Variants in AQR observed in about 807,000 individuals in gnomAD.
The protein encoded by AQR is aquarius intron-binding spliceosomal factor.
AQR carries 61 observed loss-of-function variants against 180.5 expected under a neutral mutation model. That is an observed-to-expected ratio of 0.34 (90% confidence interval 0.28 to 0.42). The LOEUF (loss-of-function observed/expected upper bound fraction) is 0.42, where lower values mean the gene tolerates loss of function less well. AQR is among the 10% of genes least tolerant of loss of function. The probability of loss-of-function intolerance (pLI) is 1.00; values close to 1 mark genes in which losing one functional copy is unlikely to be tolerated. For synonymous variants in AQR, 551 were observed against 588.8 expected (o/e 0.94, Z 0.93); for missense variants, 1,281 against 1,798.3 (o/e 0.71, Z 5.20).
chr15:34,860,587 T>C (rs1452696899), intron 33 of AQR, among the ~76,000 whole-genome samples: 1 of 152,166 alleles, frequency 6.6e-6, no homozygotes, highest in Admixed American at 6.5e-5. Context: ...ATTATTTGAC[T>C]AGAGAGAAAA....
chr15:34,937,037 T>C (rs1054592614), intron 9 of AQR, among the ~76,000 whole-genome samples: 5 of 152,042 alleles, frequency 3.3e-5, no homozygotes, highest in Admixed American at 2.0e-4. Context: ...CATAAAACGT[T>C]TTCTTTCTTT....
chr15:34,928,889 T>G lies in AQR; in HGVS notation c.1014+1369A>C, dbSNP rs183469722. 2.0e-5 allele frequency among the ~76,000 whole-genome samples: 3 copies of G among 152,280 alleles called. No individual in the cohort carries two copies. In the East Asian group the frequency reaches 5.8e-4, roughly 29 times the overall value. On this transcript the variant is annotated intron_variant, in intron 12 of 34. Transcript: ENST00000156471. The stretch of plus-strand genomic sequence containing the variant: ...TTTTAATAATTGCCATTCTGACTGG[T>G]GAGAGATGGTATGGTATCTCACTGT...
intron 23 of AQR, 69 bp downstream of exon 23, chr15:34,893,594 C>T (rs1006548400): frequency 2.2e-6 from 3 of 1,339,914 alleles, no homozygotes; most frequent in East Asian, 2.4e-5. Flanking sequence ...TACCCATGTG[C>T]ATGCGCATGC....
intron 6 of AQR, chr15:34,943,260 A>G (rs1254181359): frequency 1.2e-6 from 2 of 1,600,634 alleles, no homozygotes; most frequent in Admixed American, 3.3e-5. Context: ...GAAAAAGGCT[A>G]AAACTACAAA....
At chr15:34,881,010 C>T (rs1267252392) in intron 27 of AQR, among the ~76,000 whole-genome samples, 2 of 152,040 alleles carry the variant, frequency 1.3e-5, no homozygotes, top group South Asian at 2.1e-4. Context: ...TACCCGTTGA[C>T]GTGTAGCATG....
At chr15:34,904,587 A>C in intron 18 of AQR, 82 bp from the exon 19 acceptor site, 1 of 1,334,102 alleles carries the variant, frequency 7.5e-7, no homozygotes, top group Non-Finnish European at 1.0e-6. Flanking sequence ...CTTTTCTAGA[A>C]ATGGTGAGTA....
chr15:34,951,214 T>C (rs1447461616), intron 4 of AQR, among the ~76,000 whole-genome samples: 1 of 152,192 alleles, frequency 6.6e-6, no homozygotes, highest in African/African-American at 2.4e-5. Flanking sequence ...AGCTACCTTC[T>C]CCATGCCATC....
chr15:34,946,774 C>G, intron 5 of AQR, among the ~76,000 whole-genome samples: 1 of 149,794 alleles, frequency 6.7e-6, no homozygotes, highest in Non-Finnish European at 1.5e-5. Flanking sequence ...GGTCAGCCCC[C>G]CGCCCGGCCA....
chr15:34,906,539 C>T lies in AQR; in HGVS notation c.1831+6G>A. The T allele has an allele frequency of 6.2e-7, 1 of 1,613,654 alleles. No homozygotes were observed. Among genetic ancestry groups the T allele is most frequent in the Non-Finnish European group, 8.5e-7 (1 of 1,179,720 alleles). On this transcript the variant is annotated splice_donor_region_variant and intron_variant, in intron 18 of 34. Transcript: ENST00000156471. ...CATACTCTTTCAAAAATATAGGTCA[C>T]CATACCATCTTCAATGACACGTCCT...
At chr15:34,937,636 C>A (rs377485206) in intron 9 of AQR, among the ~76,000 whole-genome samples, 8 of 152,122 alleles carry the variant, frequency 5.3e-5, no homozygotes, top group African/African-American at 1.4e-4. Flanking sequence ...GTGATCCCAG[C>A]GCTTTGGGAG....
intron 5 of AQR, 171 bp downstream of exon 5, chr15:34,948,093 T>G: frequency 1.5e-6 from 1 of 649,620 alleles, no homozygotes; most frequent in Non-Finnish European, 2.4e-6. Flanking sequence ...GAAGAAAGTA[T>G]TGAAACCAAA....
At chr15:34,931,026 C>T (rs1205648408) in intron 11 of AQR, among the ~76,000 whole-genome samples, 6 of 151,882 alleles carry the variant, frequency 4.0e-5, no homozygotes, top group South Asian at 2.1e-4. Flanking sequence ...TTAGTAGAGA[C>T]GGGGTTTCAC....
chr15:34,892,556 C>A (rs1007602814), intron 23 of AQR, among the ~76,000 whole-genome samples: 7 of 152,186 alleles, frequency 4.6e-5, no homozygotes, highest in African/African-American at 1.7e-4. Flanking sequence ...CTCTCAATGT[C>A]ATCTCATTAT....
At chr15:34,897,291 G>A (rs1893260429) in intron 21 of AQR, among the ~76,000 whole-genome samples, 1 of 152,286 alleles carries the variant, frequency 6.6e-6, no homozygotes, top group East Asian at 1.9e-4. Context: ...ACAGGCTCAT[G>A]AAGTAAGAAC....
At chr15:34,945,148 A>G (rs1229443914) in intron 5 of AQR, among the ~76,000 whole-genome samples, 1 of 152,168 alleles carries the variant, frequency 6.6e-6, no homozygotes, top group African/African-American at 2.4e-5. Flanking sequence ...ACCACTAAAT[A>G]CCAATGATTC....
chr15:34,922,556 G>GT (rs1282839551), intron 13 of AQR, among the ~76,000 whole-genome samples: 2 of 151,450 alleles, frequency 1.3e-5, no homozygotes, highest in South Asian at 2.1e-4. Context: ...GTTGTTTTTT[G>GT]TTTTTTTGGT....
intron 24 of AQR, among the ~76,000 whole-genome samples, chr15:34,887,534 G>C (rs1893081365): frequency 6.6e-6 from 1 of 152,242 alleles, no homozygotes; most frequent in Non-Finnish European, 1.5e-5. Context: ...GAAAACTGAA[G>C]TTTGGAGAGT....
chr15:34,926,915 G>C, intron 13 of AQR, 120 bp downstream of exon 13: 1 of 497,000 alleles, frequency 2.0e-6, no homozygotes, highest in Non-Finnish European at 3.4e-6. Flanking sequence ...CGTCAACGAA[G>C]AGTGAAATAA....
intron 7 of AQR, among the ~76,000 whole-genome samples, chr15:34,941,350 C>T (rs1369835201): frequency 6.6e-6 from 1 of 152,092 alleles, no homozygotes; most frequent in Non-Finnish European, 1.5e-5. Flanking sequence ...GCACAAAAAA[C>T]AGCGATCACA....
Sources: gnomAD v4.1 joint callset for allele counts (sites outside exome capture counted in the v4.1 genomes callset) on GRCh38, gnomAD v4.1.1 for gene constraint, MANE v1.5 for transcripts, NCBI Gene and HGNC (gene_info 2026-07-23, HGNC 2026-07-21) for gene names.